The following SHANK2 variants were observed in gnomAD, a reference collection of about 807,000 sequenced individuals.
SHANK2 encodes SH3 and multiple ankyrin repeat domains protein 2.
A neutral mutation model predicts 133.7 loss-of-function variants in SHANK2; 43 were observed. The ratio of observed to expected loss-of-function variants is 0.32; its 90% CI spans 0.25 to 0.41. The LOEUF is 0.41. SHANK2 is among the 10% of genes least tolerant of loss of function. The pLI is 1.00. For missense variants in SHANK2, 1,994 were observed against 2,235.8 expected (o/e 0.89, Z 2.18); for synonymous variants, 1,017 against 952.8 (o/e 1.07, Z -1.24).
chr11:71,147,048 G>T (rs1952664878), intron 3 of SHANK2, 72 bp downstream of exon 3: 1 of 1,327,836 alleles, frequency 7.5e-7, no homozygotes. Flanking sequence ...GAGGACCAGA[G>T]CAGGCCTCTG....
At chr11:70,943,561 C>T (rs1037209983) in intron 10 of SHANK2, among the ~76,000 whole-genome samples, 2 of 152,086 alleles carry the variant, frequency 1.3e-5, no homozygotes, top group Admixed American at 1.3e-4. Context: ...TGGCAATACC[C>T]CTGGGCGGCA....
chr11:70,573,534 C>G (rs1315293822), intron 17 of SHANK2, among the ~76,000 whole-genome samples: 1 of 78,254 alleles, frequency 1.3e-5, no homozygotes, highest in South Asian at 6.1e-4. Flanking sequence ...CCCCATGTGT[C>G]TGTGTGTGTG....
At chr11:70,875,524 AAACAACAACAACAACAACAAC>A (rs71049946) in intron 11 of SHANK2, among the ~76,000 whole-genome samples, 2 of 146,448 alleles carry the variant, frequency 1.4e-5, no homozygotes, top group African/African-American at 5.1e-5. Flanking sequence ...ACTCCGTCTC[AAACAACAACAACAACAACAAC>A]AACAACAACA....
chr11:70,594,649 C>T (rs1421460846), intron 17 of SHANK2, among the ~76,000 whole-genome samples: 3 of 152,228 alleles, frequency 2.0e-5, no homozygotes, highest in East Asian at 3.9e-4. Flanking sequence ...GGGTTTCATT[C>T]TAAGGTGAGG....
intron 10 of SHANK2, among the ~76,000 whole-genome samples, chr11:70,899,980 T>C (rs1411051606): frequency 6.6e-6 from 1 of 152,138 alleles, no homozygotes; most frequent in Non-Finnish European, 1.5e-5. Flanking sequence ...ACCTGTGAAA[T>C]AGGTTTGGTG....
intron 11 of SHANK2, chr11:70,826,396 T>C (rs1948640515): frequency 2.1e-6 from 1 of 466,870 alleles, no homozygotes; most frequent in African/African-American, 2.0e-5. Context: ...GTCCTCCCTC[T>C]CCCCCACCCC....
intron 11 of SHANK2, among the ~76,000 whole-genome samples, chr11:70,856,191 T>G (rs1389895026): frequency 2.0e-5 from 3 of 149,938 alleles, no homozygotes; most frequent in African/African-American, 7.4e-5. Flanking sequence ...GATGAATGAA[T>G]AGATGAATGA....
At chr11:70,885,816 A>G (rs931567063) in intron 11 of SHANK2, among the ~76,000 whole-genome samples, 25 of 152,176 alleles carry the variant, frequency 1.6e-4, no homozygotes, top group Admixed American at 3.3e-4. Context: ...GCCAAATGTA[A>G]AAATACCCTC....
chr11:71,063,125 G>T (rs1288851960), intron 9 of SHANK2, among the ~76,000 whole-genome samples: 1 of 151,760 alleles, frequency 6.6e-6, no homozygotes, highest in Non-Finnish European at 1.5e-5. Context: ...AAAAAGTAAA[G>T]AAAATAAAAT....
intron 14 of SHANK2, among the ~76,000 whole-genome samples, chr11:70,713,097 G>C (rs1555026531): frequency 6.6e-6 from 1 of 152,252 alleles, no homozygotes; most frequent in East Asian, 1.9e-4. Context: ...GCATGGGTTT[G>C]TGTGTGGGCA....
intron 17 of SHANK2, among the ~76,000 whole-genome samples, chr11:70,621,709 A>G (rs1200653801): frequency 6.6e-6 from 1 of 152,132 alleles, no homozygotes; most frequent in Non-Finnish European, 1.5e-5. Context: ...CAGGCAAGTG[A>G]GTGTAGAAGG....
chr11:71,091,616 C>T (rs554515336), intron 8 of SHANK2, among the ~76,000 whole-genome samples: 2 of 152,304 alleles, frequency 1.3e-5, no homozygotes, highest in Admixed American at 1.3e-4. Context: ...ACCCCTCTGC[C>T]TGGAGACCCT....
At chr11:71,136,605 T>G (rs1952444088) in intron 3 of SHANK2, among the ~76,000 whole-genome samples, 1 of 152,184 alleles carries the variant, frequency 6.6e-6, no homozygotes, top group South Asian at 2.1e-4. Context: ...AAAACTGCAT[T>G]TGTACCCACT....
intron 13 of SHANK2, among the ~76,000 whole-genome samples, chr11:70,800,806 C>T (rs1948027491): frequency 6.6e-6 from 1 of 152,216 alleles, no homozygotes; most frequent in African/African-American, 2.4e-5. Context: ...AGCAGTAACC[C>T]CGGGCTGCAA....
intron 20 of SHANK2, 44 bp downstream of exon 20, chr11:70,501,879 G>A: frequency 2.6e-6 from 4 of 1,553,542 alleles, no homozygotes; most frequent in Non-Finnish European, 3.5e-6. Flanking sequence ...GGGTGCCCTA[G>A]ACAGCAGGGG....
At chr11:70,757,299 C>T (rs73529964) in intron 14 of SHANK2, among the ~76,000 whole-genome samples, 4,821 of 152,292 alleles carry the variant, frequency 0.032, 231 homozygotes, top group African/African-American at 0.11. Flanking sequence ...GTTTCCTTAT[C>T]TGTAAAAAGG....
intron 4 of SHANK2, among the ~76,000 whole-genome samples, chr11:71,117,344 G>A (rs1951997132): frequency 6.6e-6 from 1 of 152,182 alleles, no homozygotes; most frequent in Non-Finnish European, 1.5e-5. Context: ...AGCAATGAAA[G>A]AACAGACTAT....
At chr11:70,656,488 T>A (rs553827834) in intron 17 of SHANK2, among the ~76,000 whole-genome samples, 1 of 152,150 alleles carries the variant, frequency 6.6e-6, no homozygotes, top group African/African-American at 2.4e-5. Context: ...GCATTCAACT[T>A]CCCGCCGCCC....
At chr11:70,950,041 A>C (rs1161306124) in intron 10 of SHANK2, 1 of 456,492 alleles carries the variant, frequency 2.2e-6, no homozygotes, top group Admixed American at 2.3e-5. Flanking sequence ...TCATGGGCGG[A>C]AAGACAAGGC....
Sources: allele counts gnomAD v4.1 joint callset (sites outside exome capture counted in the v4.1 genomes callset), GRCh38; gene constraint gnomAD v4.1.1; transcripts MANE v1.5; gene names NCBI Gene and HGNC (gene_info 2026-07-23, HGNC 2026-07-21).